The following BNC2 variants were observed in gnomAD, a reference collection of about 807,000 sequenced individuals.
The protein encoded by BNC2 is zinc finger protein basonuclin-2.
A neutral mutation model predicts 76.3 loss-of-function variants in BNC2; 20 were observed. The observed-to-expected ratio is 0.26, with a 90% confidence interval of 0.18 to 0.38. The LOEUF is 0.38. Ranked by LOEUF, BNC2 falls within the 10% of genes least tolerant of loss-of-function variation. The pLI is 1.00. For synonymous variants in BNC2, 582 were observed against 514.8 expected, an observed-to-expected ratio of 1.13 and a Z score of -1.77; for missense variants, 1,382 against 1,399.8, an observed-to-expected ratio of 0.99 and a Z score of 0.20.
intron 3 of BNC2, among the ~76,000 whole-genome samples, chr9:16,629,233 G>T (rs913661447): frequency 1.3e-4 from 20 of 152,082 alleles, no homozygotes; most frequent in African/African-American, 4.8e-4. Flanking sequence ...GCTTGATTCG[G>T]CAATAATCTA....
intron 5 of BNC2, among the ~76,000 whole-genome samples, chr9:16,478,115 T>C (rs59322167): frequency 0.011 from 1,692 of 152,318 alleles, 29 homozygotes; most frequent in African/African-American, 0.038. Context: ...CTGTTCTATG[T>C]CTTTCCTTCC....
chr9:16,594,482 A>G (rs1470302041), intron 3 of BNC2, among the ~76,000 whole-genome samples: 1 of 152,104 alleles, frequency 6.6e-6, no homozygotes, highest in Non-Finnish European at 1.5e-5. Flanking sequence ...CCTAAGCAAG[A>G]GCATAGGTAG....
At chr9:16,852,821 G>T (rs1283860529) in intron 1 of BNC2, among the ~76,000 whole-genome samples, 1 of 152,108 alleles carries the variant, frequency 6.6e-6, no homozygotes, top group African/African-American at 2.4e-5. Context: ...AACCTCACAG[G>T]CAGAGAAAAA....
At chr9:16,838,942 TGC>T (rs917327349) in intron 1 of BNC2, among the ~76,000 whole-genome samples, 7 of 152,206 alleles carry the variant, frequency 4.6e-5, no homozygotes, top group African/African-American at 9.7e-5. Context: ...GGTCTATGTG[TGC>T]CACAAATGTG....
At chr9:16,558,706 G>A (rs144956768) in intron 4 of BNC2, among the ~76,000 whole-genome samples, 74 of 152,166 alleles carry the variant, frequency 4.9e-4, no homozygotes, top group Non-Finnish European at 9.1e-4. Flanking sequence ...TGAGGCGGGC[G>A]GATCATGAGG....
chr9:16,721,247 T>C (rs540550887), intron 3 of BNC2, among the ~76,000 whole-genome samples: 1 of 152,280 alleles, frequency 6.6e-6, no homozygotes, highest in South Asian at 2.1e-4. Context: ...TAGGAAAACA[T>C]TCCCTCTATT....
chr9:16,440,063 T>C (rs1821095220), intron 5 of BNC2, among the ~76,000 whole-genome samples: 1 of 152,214 alleles, frequency 6.6e-6, no homozygotes, highest in African/African-American at 2.4e-5. Flanking sequence ...TGGAAGAATG[T>C]TGGTGCTATA....
At chr9:16,780,208 C>CCTGGGTGCACTCCAGCT (rs1826096243) in intron 1 of BNC2, among the ~76,000 whole-genome samples, 1 of 122,326 alleles carries the variant, frequency 8.2e-6, no homozygotes, top group Non-Finnish European at 1.6e-5. Flanking sequence ...TGCACTCCAG[C>CCTGGGTGCACTCCAGCT]CTGGGTGACA....
chr9:16,413,531 C>T lies in BNC2; in HGVS notation c.*5458G>A, dbSNP rs546958920. 145 of 152,018 alleles carry T rather than the reference C, an allele frequency of 9.5e-4. No individual in the cohort carries two copies. The highest frequency in any genetic ancestry group is 3.2e-3 in the African/African-American group (134 of 41,440). 9.4% of individuals were successfully genotyped at this position (152,018 alleles called of 1,614,324 possible). Reference sequence around the variant, plus strand: ...CGAATGAGCACAGAAAATCATTTTGCGCAAGATGTGGGAAGGATGAGGATG... The same window carrying T: ...CGAATGAGCACAGAAAATCATTTTGTGCAAGATGTGGGAAGGATGAGGATG... On this transcript the variant is annotated 3_prime_UTR_variant, in exon 7 of 7. Transcript: ENST00000380672.
intron 1 of BNC2, among the ~76,000 whole-genome samples, chr9:16,784,234 C>A (rs1327498217): frequency 6.6e-6 from 1 of 152,172 alleles, no homozygotes; most frequent in East Asian, 1.9e-4. Flanking sequence ...GACAGCTGTG[C>A]AAACAGATAA....
At chr9:16,768,470 T>C (rs894337097) in intron 1 of BNC2, among the ~76,000 whole-genome samples, 13 of 151,894 alleles carry the variant, frequency 8.6e-5, no homozygotes, top group African/African-American at 3.1e-4. Context: ...GAATTGGAAA[T>C]AAGGAAAAAA....
intron 1 of BNC2, among the ~76,000 whole-genome samples, chr9:16,751,517 AAAGT>A (rs1180123767): frequency 6.6e-6 from 1 of 151,072 alleles, no homozygotes; most frequent in Non-Finnish European, 1.5e-5. Context: ...TCTCAAAATA[AAAGT>A]AAATATCAAA....
intron 1 of BNC2, among the ~76,000 whole-genome samples, chr9:16,779,839 T>TG (rs1460145165): frequency 2.0e-5 from 3 of 152,040 alleles, no homozygotes; most frequent in Non-Finnish European, 4.4e-5. Context: ...GGCAGTGTTG[T>TG]GGGGGGGCCA....
chr9:16,497,048 A>G (rs985129788), intron 5 of BNC2, among the ~76,000 whole-genome samples: 4 of 152,212 alleles, frequency 2.6e-5, no homozygotes, highest in Non-Finnish European at 5.9e-5. Flanking sequence ...GTTGTGATCC[A>G]TATGTTCTGC....
intron 3 of BNC2, among the ~76,000 whole-genome samples, chr9:16,620,761 T>C (rs961317495): frequency 6.6e-6 from 1 of 152,220 alleles, no homozygotes; most frequent in African/African-American, 2.4e-5. Flanking sequence ...CTGATCATTC[T>C]GAAAACAATT....
chr9:16,824,066 A>C lies in BNC2; in HGVS notation c.3+46580T>G, dbSNP rs532777192. ...GAGAATCTAAAACTAATTCCTGGAA[A>C]ATCTACAAAGGAACCCAATGGTTAG... is the stretch of plus-strand genomic sequence containing the variant. On this transcript the variant is annotated intron_variant, in intron 1 of 6. Coordinates refer to ENST00000380672, the MANE Select transcript of BNC2 (RefSeq NM_017637.6). 6.6e-5 allele frequency among the ~76,000 whole-genome samples: 10 copies of C among 152,350 alleles called. No homozygotes were observed. In the South Asian group the frequency reaches 2.1e-3, roughly 32 times the overall value.
At chr9:16,461,540 C>T (rs964820161) in intron 5 of BNC2, among the ~76,000 whole-genome samples, 1 of 147,300 alleles carries the variant, frequency 6.8e-6, no homozygotes, top group African/African-American at 2.5e-5. Context: ...TCTTAATCTA[C>T]TATGAATAAA....
chr9:16,660,553 T>C (rs1242391931), intron 3 of BNC2, among the ~76,000 whole-genome samples: 1 of 151,786 alleles, frequency 6.6e-6, no homozygotes, highest in Non-Finnish European at 1.5e-5. Flanking sequence ...AGGTATCCAA[T>C]AGCACGGACT....
At chr9:16,548,482 T>C (rs1014562160) in intron 5 of BNC2, among the ~76,000 whole-genome samples, 1 of 151,586 alleles carries the variant, frequency 6.6e-6, no homozygotes, top group Non-Finnish European at 1.5e-5. Context: ...CTTGGCTCAC[T>C]GCAACCTCTG....
Sources: gnomAD v4.1 joint callset for allele counts (sites outside exome capture counted in the v4.1 genomes callset) on GRCh38, gnomAD v4.1.1 for gene constraint, MANE v1.5 for transcripts, NCBI Gene and HGNC (gene_info 2026-07-23, HGNC 2026-07-21) for gene names.